SLC24A2: variants seen among roughly 807,000 people sequenced by gnomAD.
The protein encoded by SLC24A2 is sodium/potassium/calcium exchanger 2.
SLC24A2 carries 36 observed loss-of-function variants against 62.0 expected under a neutral mutation model. The observed-to-expected ratio is 0.58, with a 90% CI of 0.44 to 0.77. The LOEUF (loss-of-function observed/expected upper bound fraction) is 0.77. SLC24A2 is among the 30% of genes least tolerant of loss of function. The probability of loss-of-function intolerance (pLI) is 0.00; values close to 1 mark genes in which losing one functional copy is unlikely to be tolerated. For missense variants in SLC24A2, 846 were observed against 817.9 expected (o/e 1.03, Z -0.42); for synonymous variants, 358 against 294.0 (o/e 1.22, Z -2.23).
chr9:20,230,353 G>C, the SLC24A2 span, among the ~76,000 whole-genome samples: 1 of 152,146 alleles, frequency 6.6e-6, no homozygotes, highest in East Asian at 1.9e-4. Flanking sequence ...CCCACCAACA[G>C]TGTAAAAGTG....
At chr9:19,921,595 T>A in the SLC24A2 span, among the ~76,000 whole-genome samples, 4 of 152,128 alleles carry the variant, frequency 2.6e-5, no homozygotes, top group Non-Finnish European at 5.9e-5. Flanking sequence ...TCACTTCAAT[T>A]GAAAAATAAA....
the SLC24A2 span, among the ~76,000 whole-genome samples, chr9:20,011,956 T>C: frequency 2.5e-3 from 381 of 152,232 alleles, 1 homozygote; most frequent in Non-Finnish European, 3.6e-3. Flanking sequence ...ATCACCTCAA[T>C]AGATGCATAA....
At chr9:20,198,741 G>A in the SLC24A2 span, among the ~76,000 whole-genome samples, 1 of 150,440 alleles carries the variant, frequency 6.6e-6, no homozygotes, top group South Asian at 2.1e-4. Context: ...CCAATACCTA[G>A]ATACTTAGTA....
chr9:19,855,901 C>G, the SLC24A2 span, among the ~76,000 whole-genome samples: 1 of 152,176 alleles, frequency 6.6e-6, no homozygotes, highest in African/African-American at 2.4e-5. Flanking sequence ...GTTCCATTCT[C>G]CCTGTCTTTT....
At chr9:19,960,623 A>G in the SLC24A2 span, among the ~76,000 whole-genome samples, 1 of 152,352 alleles carries the variant, frequency 6.6e-6, no homozygotes, top group East Asian at 1.9e-4. Flanking sequence ...AGCGACAAAC[A>G]TACACACCTA....
At chr9:20,032,531 G>C in the SLC24A2 span, among the ~76,000 whole-genome samples, 742 of 152,200 alleles carry the variant, frequency 4.9e-3, 9 homozygotes, top group African/African-American at 0.017. Context: ...TTGCCCAAGG[G>C]TCGGGTTACC....
At chr9:20,093,278 G>A in the SLC24A2 span, among the ~76,000 whole-genome samples, 15 of 152,048 alleles carry the variant, frequency 9.9e-5, no homozygotes, top group African/African-American at 3.6e-4. Flanking sequence ...CTCCATGTCA[G>A]TCAGGCTGGT....
At chr9:20,189,044 G>T in the SLC24A2 span, among the ~76,000 whole-genome samples, 5 of 150,816 alleles carry the variant, frequency 3.3e-5, no homozygotes, top group African/African-American at 1.2e-4. Context: ...GTTCTAGACT[G>T]CCAGAAATTA....
At chr9:20,238,581 A>G in the SLC24A2 span, among the ~76,000 whole-genome samples, 3 of 152,198 alleles carry the variant, frequency 2.0e-5, no homozygotes, top group African/African-American at 4.8e-5. Context: ...GAGCAGGTGT[A>G]CCCCTAACAA....
intron 2 of SLC24A2, among the ~76,000 whole-genome samples, chr9:19,677,208 A>G (rs918636279): frequency 2.0e-5 from 3 of 152,266 alleles, no homozygotes; most frequent in African/African-American, 7.2e-5. Context: ...GACTGGATAA[A>G]GAAAATGTAG....
the SLC24A2 span, among the ~76,000 whole-genome samples, chr9:20,101,720 G>T: frequency 6.6e-6 from 1 of 151,976 alleles, no homozygotes; most frequent in African/African-American, 2.4e-5. Context: ...ACTTCAAATG[G>T]TATCAACTCA....
At chr9:19,956,610 CAA>C in the SLC24A2 span, among the ~76,000 whole-genome samples, 2 of 152,120 alleles carry the variant, frequency 1.3e-5, no homozygotes, top group Admixed American at 6.5e-5. Flanking sequence ...TGGCAGCAGG[CAA>C]GAGAGAGAGC....
chr9:20,293,898 A>G, the SLC24A2 span, among the ~76,000 whole-genome samples: 11 of 152,188 alleles, frequency 7.2e-5, no homozygotes, highest in African/African-American at 2.2e-4. Context: ...TAGTAAGCCA[A>G]CCAAGTCCTC....
chr9:19,913,668 G>A, the SLC24A2 span, among the ~76,000 whole-genome samples: 2 of 152,078 alleles, frequency 1.3e-5, no homozygotes, highest in East Asian at 1.9e-4. Flanking sequence ...TATTTCATGA[G>A]ATTAACCATC....
intron 2 of SLC24A2, among the ~76,000 whole-genome samples, chr9:19,694,727 A>C (rs1331051947): frequency 3.3e-5 from 5 of 152,224 alleles, no homozygotes. Context: ...AGGTAAAAGA[A>C]TACAAATCCT....
chr9:19,809,565 G>A, the SLC24A2 span, among the ~76,000 whole-genome samples: 1 of 152,034 alleles, frequency 6.6e-6, no homozygotes, highest in Admixed American at 6.5e-5. Context: ...TGCAGACATA[G>A]ATGCCTGCAG....
At chr9:20,025,139 GTCTAT>G in the SLC24A2 span, among the ~76,000 whole-genome samples, 92 of 152,196 alleles carry the variant, frequency 6.0e-4, no homozygotes, top group African/African-American at 2.1e-3. Flanking sequence ...GTATTTTCTA[GTCTAT>G]TCTATTCTAT....
the SLC24A2 span, among the ~76,000 whole-genome samples, chr9:20,021,820 C>T: frequency 2.6e-5 from 4 of 151,968 alleles, no homozygotes; most frequent in East Asian, 7.8e-4. Context: ...GCCACTGGTC[C>T]CCAAGCAGCC....
chr9:20,203,728 G>A, the SLC24A2 span, among the ~76,000 whole-genome samples: 3 of 152,056 alleles, frequency 2.0e-5, no homozygotes, highest in East Asian at 1.9e-4. Flanking sequence ...AGCAGCAGCA[G>A]CAGAAGAAGA....
Sources: allele counts gnomAD v4.1 joint callset (sites outside exome capture counted in the v4.1 genomes callset), GRCh38; gene constraint gnomAD v4.1.1; transcripts MANE v1.5; gene names NCBI Gene and HGNC (gene_info 2026-07-23, HGNC 2026-07-21).